MYDGF: variants seen among roughly 807,000 people sequenced by gnomAD.
MYDGF encodes myeloid-derived growth factor.
In MYDGF, 29 loss-of-function variants were observed where a neutral mutation model predicts 24.2. The ratio of observed to expected loss-of-function variants is 1.20; its 90% CI spans 0.89 to 1.63. MYDGF has a LOEUF of 1.63. Ranked by LOEUF, MYDGF falls within the 40% of genes most tolerant of loss-of-function variation. MYDGF has a pLI of 0.00. For missense variants in MYDGF, 245 were observed against 234.8 expected (o/e 1.04, Z -0.29); for synonymous variants, 105 against 102.5 (o/e 1.02, Z -0.15).
intron 3 of MYDGF, 108 bp from the exon 4 acceptor site, chr19:4,660,858 G>C: frequency 1.3e-6 from 1 of 782,128 alleles, no homozygotes; most frequent in East Asian, 3.0e-5. Flanking sequence ...AGCAGGTCTC[G>C]TGCCTGCTTC....
At chr19:4,659,593 C>T (rs2088453199) in intron 5 of MYDGF, 2 of 456,040 alleles carry the variant, frequency 4.4e-6, no homozygotes, top group East Asian at 6.2e-5. Context: ...ACCTCCTGGG[C>T]TCCAATGATC....
At chr19:4,664,976 C>G (rs772117903) in intron 2 of MYDGF, 39 bp from the exon 3 acceptor site, 2 of 1,601,546 alleles carry the variant, frequency 1.2e-6, no homozygotes, top group Non-Finnish European at 8.5e-7. Context: ...CCCGGACACA[C>G]AGCTGCTCTC....
rs753136647 is a variant in MYDGF, at chr19:4,668,580, T to C, written c.225+15A>G. On this transcript the variant is annotated intron_variant, in intron 2 of 5. Coordinates refer to ENST00000262947, the MANE Select transcript of MYDGF (RefSeq NM_019107.4). ...TACTGTCACAGTAAGCTAGAGGGAA[T>C]TTTGAACAACTCACCTCATTGGTCC... 2.5e-6 allele frequency: 4 copies of C among 1,604,934 alleles called. No individual in the cohort carries two copies. The highest frequency in any genetic ancestry group is 2.6e-6 in the Non-Finnish European group (3 of 1,171,786).
intron 1 of MYDGF, 80 bp downstream of exon 1, chr19:4,670,081 T>C (rs1263692655): frequency 7.4e-7 from 1 of 1,345,886 alleles, no homozygotes; most frequent in Non-Finnish European, 9.7e-7. Flanking sequence ...CGCCCCCTCC[T>C]CGGGCCCCGC....
Position 4,657,993 on chromosome 19 carries a change from C to A in MYDGF, c.*12G>T. On this transcript the variant is annotated 3_prime_UTR_variant, in exon 6 of 6. Transcript: ENST00000262947. ...GGAGATGAGAAGGTGCCACCCGCAA[C>A]AGGGCTGCTGGTCACAGCTCAGTGC... The A allele has an allele frequency of 6.2e-7, 1 of 1,605,092 alleles. No individual in the cohort carries two copies. The highest frequency in any genetic ancestry group is 8.5e-7 in the Non-Finnish European group (1 of 1,176,862).
At position 4,657,703 on chromosome 19, in the gene MYDGF, CAGCAT is replaced by C; in HGVS notation, c.*297_*301del. 1 of 263,052 alleles carries C rather than the reference CAGCAT, an allele frequency of 3.8e-6. No individual in the cohort carries two copies. Among genetic ancestry groups the C allele is most frequent in the Non-Finnish European group, 7.2e-6 (1 of 138,572 alleles). The allele number at this position is 263,052 out of a possible 1,614,324, so 16.3% of individuals were successfully genotyped here. A position where few individuals can be genotyped will look rare whatever the true frequency, so the allele number is the denominator to read the frequency against. On this transcript the variant is annotated 3_prime_UTR_variant, in exon 6 of 6. Transcript: ENST00000262947. ...TCGGGGGGAGCATGGCTGCTTTCCC[CAGCAT>C]AGCCCCCATGTTCCCCACCCTCTTT...
chr19:4,659,699 A>G (rs1331002578), intron 5 of MYDGF: 12 of 577,878 alleles, frequency 2.1e-5, no homozygotes, highest in Non-Finnish European at 3.1e-5. Flanking sequence ...ACACCCACGC[A>G]TGGACATACT....
intron 5 of MYDGF, among the ~76,000 whole-genome samples, chr19:4,658,457 C>A (rs1453224978): frequency 6.6e-6 from 1 of 152,158 alleles, no homozygotes; most frequent in African/African-American, 2.4e-5. Flanking sequence ...GGCTGCAAGA[C>A]CTCCTGCTCA....
At chr19:4,662,149 T>C (rs1208547087) in intron 3 of MYDGF, among the ~76,000 whole-genome samples, 1 of 152,132 alleles carries the variant, frequency 6.6e-6, no homozygotes, top group Admixed American at 6.5e-5. Context: ...CTGCTGTTTG[T>C]AAAGCGCCCC....
At chr19:4,661,972 G>A (rs73537503) in intron 3 of MYDGF, among the ~76,000 whole-genome samples, 236 of 152,242 alleles carry the variant, frequency 1.6e-3, no homozygotes, top group Non-Finnish European at 2.6e-3. Context: ...GCAGACAGAC[G>A]ATGGCGACCG....
chr19:4,661,319 G>C (rs1316520978), intron 3 of MYDGF, among the ~76,000 whole-genome samples: 3 of 152,116 alleles, frequency 2.0e-5, no homozygotes. Context: ...TCTCTCCCCT[G>C]TGGGCTGGGA....
At chr19:4,660,506 C>T (rs912233805) in intron 4 of MYDGF, 163 bp downstream of exon 4, 15 of 618,788 alleles carry the variant, frequency 2.4e-5, no homozygotes, top group Middle Eastern at 3.2e-4. Context: ...GGCCTGGGGG[C>T]GTCTGTGTGC....
intron 2 of MYDGF, among the ~76,000 whole-genome samples, chr19:4,665,446 C>T (rs2088513114): frequency 6.6e-6 from 1 of 152,200 alleles, no homozygotes; most frequent in African/African-American, 2.4e-5. Flanking sequence ...CTCAAGCAAT[C>T]CTCCCACCTT....
At position 4,658,034 on chromosome 19, in the gene MYDGF, C is replaced by T. The variant is rs2088436403; in HGVS notation, c.493G>A (p.Val165Met). 1.2e-6 allele frequency: 2 copies of T among 1,611,794 alleles called. No individual in the cohort carries two copies. The highest frequency in any genetic ancestry group is 2.7e-5 in the African/African-American group (2 of 75,040). Residue 165 changes from valine (V) to methionine (M), a missense_variant, in exon 6 of 6, where the codon GTG (valine) becomes ATG (methionine). Transcript: ENST00000262947. Reference protein sequence around the residue: ...FKAELSKLVIVAKASRTEL With the variant: ...FKAELSKLVIMAKASRTEL ...AGCTCAGTGCGCGATGCCTTGGCCA[C>T]AATCACCAGCTTGGACAGCTCAGCT...
chr19:4,658,107 T>TG, intron 5 of MYDGF, 23 bp from the exon 6 acceptor site: 1 of 1,597,188 alleles, frequency 6.3e-7, no homozygotes, highest in Non-Finnish European at 8.5e-7. Flanking sequence ...AACACATGGT[T>TG]GGGCCCTCAA....
intron 3 of MYDGF, among the ~76,000 whole-genome samples, chr19:4,660,964 ATT>A (rs10718244): frequency 2.4e-3 from 234 of 99,180 alleles, no homozygotes; most frequent in Middle Eastern, 4.9e-3. Context: ...TTGTGCCAGA[ATT>A]TTTTTTTTTT....
chr19:4,670,119 G>A, intron 1 of MYDGF, 42 bp downstream of exon 1: 2 of 1,437,994 alleles, frequency 1.4e-6, no homozygotes, highest in Non-Finnish European at 1.8e-6. Context: ...CCCTCCCCGG[G>A]CCTGCCAGCA....
chr19:4,669,102 T>C (rs114146627), intron 1 of MYDGF, among the ~76,000 whole-genome samples: 4,903 of 152,244 alleles, frequency 0.032, 258 homozygotes, highest in African/African-American at 0.11. Context: ...TTTCTCTTTT[T>C]TATGTGAAGC....
intron 3 of MYDGF, among the ~76,000 whole-genome samples, chr19:4,661,608 G>C (rs1228770673): frequency 6.6e-6 from 1 of 152,072 alleles, no homozygotes; most frequent in African/African-American, 2.4e-5. Context: ...CTGGTGTGAA[G>C]AGAGTGTGAT....
Sources: allele counts gnomAD v4.1 joint callset (sites outside exome capture counted in the v4.1 genomes callset), GRCh38; gene constraint gnomAD v4.1.1; transcripts MANE v1.5; gene names NCBI Gene and HGNC (gene_info 2026-07-23, HGNC 2026-07-21).